Variants in FAM210A observed in about 807,000 individuals in gnomAD.
FAM210A encodes family with sequence similarity 210 member A.
A neutral mutation model predicts 25.3 loss-of-function variants in FAM210A; 13 were observed. The ratio of observed to expected loss-of-function variants is 0.51; its 90% CI spans 0.33 to 0.82. FAM210A has a LOEUF of 0.82. Ranked by LOEUF, FAM210A falls within the 40% of genes least tolerant of loss-of-function variation. The pLI is 0.02. For missense variants in FAM210A, 319 were observed against 323.2 expected (o/e 0.99, Z 0.10); for synonymous variants, 125 against 118.7 (o/e 1.05, Z -0.35).
chr18:13,713,737 C>CACACACACACAG (rs1389271796), intron 1 of FAM210A, among the ~76,000 whole-genome samples: 1 of 151,528 alleles, frequency 6.6e-6, no homozygotes, highest in Non-Finnish European at 1.5e-5. Flanking sequence ...CACACACACA[C>CACACACACACAG]ACACACACAC....
chr18:13,721,286 A>C (rs532679717), intron 1 of FAM210A, among the ~76,000 whole-genome samples: 16 of 152,344 alleles, frequency 1.1e-4, no homozygotes, highest in African/African-American at 3.8e-4. Flanking sequence ...CAAAGCACTC[A>C]GCAGATCAAT....
intron 1 of FAM210A, among the ~76,000 whole-genome samples, chr18:13,692,206 T>C (rs1364388854): frequency 6.6e-6 from 1 of 152,088 alleles, no homozygotes; most frequent in Non-Finnish European, 1.5e-5. Context: ...CTAACTCTCC[T>C]AAATATATAT....
chr18:13,664,480 G>T lies in FAM210A; in HGVS notation c.*2000C>A, dbSNP rs891758322. The T allele has an allele frequency of 6.6e-6, 1 of 152,120 alleles. No individual in the cohort carries two copies. Among genetic ancestry groups the T allele is most frequent in the Non-Finnish European group, 1.5e-5 (1 of 68,020 alleles). 9.4% of individuals were successfully genotyped at this position (152,120 alleles called of 1,614,324 possible). ...AACATGTTTAATATCTTAAAAAACA[G>T]CACTTAAACCTGCAAAAATGTGAAT... is the stretch of plus-strand genomic sequence containing the variant. On this transcript the variant is annotated 3_prime_UTR_variant, in exon 4 of 4. Coordinates refer to ENST00000651643, the MANE Select transcript of FAM210A (RefSeq NM_152352.4).
At chr18:13,726,158 G>C (rs1160100850) in intron 1 of FAM210A, among the ~76,000 whole-genome samples, 171 bp downstream of exon 1, 1 of 152,192 alleles carries the variant, frequency 6.6e-6, no homozygotes, top group Non-Finnish European at 1.5e-5. Context: ...TGTGGGGTCG[G>C]CGAGTGTGGA....
At chr18:13,697,927 A>G (rs1601958123) in intron 1 of FAM210A, among the ~76,000 whole-genome samples, 2 of 152,198 alleles carry the variant, frequency 1.3e-5, no homozygotes, top group Non-Finnish European at 2.9e-5. Flanking sequence ...AGGAACCTTA[A>G]ATGCATATTG....
At chr18:13,691,162 G>A (rs1474945986) in intron 1 of FAM210A, among the ~76,000 whole-genome samples, 1 of 152,200 alleles carries the variant, frequency 6.6e-6, no homozygotes, top group Non-Finnish European at 1.5e-5. Flanking sequence ...ATCAGTGATT[G>A]AAGATCAAAT....
intron 1 of FAM210A, among the ~76,000 whole-genome samples, chr18:13,714,912 G>A (rs977201760): frequency 2.0e-5 from 3 of 152,062 alleles, no homozygotes; most frequent in East Asian, 1.9e-4. Flanking sequence ...TATGAATAGC[G>A]TCCTCATGTA....
Position 13,666,320 on chromosome 18 carries a change from A to T in FAM210A, c.*160T>A. The T allele has an allele frequency of 1.6e-6, 1 of 617,704 alleles. No individual in the cohort carries two copies. Among genetic ancestry groups the T allele is most frequent in the Non-Finnish European group, 2.8e-6 (1 of 353,582 alleles). 38.3% of individuals were successfully genotyped at this position (617,704 alleles called of 1,614,324 possible). Reference sequence around the variant, plus strand: ...CCCTTGTAATAACACTGATTTTTCTAGTGATATTTAACTTTAAAAAGGTAT... The same window carrying T: ...CCCTTGTAATAACACTGATTTTTCTTGTGATATTTAACTTTAAAAAGGTAT... On this transcript the variant is annotated 3_prime_UTR_variant, in exon 4 of 4. Transcript: ENST00000651643.
intron 1 of FAM210A, among the ~76,000 whole-genome samples, chr18:13,688,344 A>T (rs997594251): frequency 3.3e-5 from 5 of 152,198 alleles, no homozygotes; most frequent in African/African-American, 7.2e-5. Flanking sequence ...TCCTGTGCCT[A>T]CAAAGACTCA....
chr18:13,708,650 T>C (rs908400443), intron 1 of FAM210A, among the ~76,000 whole-genome samples: 16 of 152,252 alleles, frequency 1.1e-4, no homozygotes, highest in African/African-American at 3.9e-4. Flanking sequence ...TTTCATATTA[T>C]ACTATACCTA....
intron 1 of FAM210A, among the ~76,000 whole-genome samples, chr18:13,703,219 T>C (rs1396117784): frequency 6.6e-6 from 1 of 152,218 alleles, no homozygotes; most frequent in African/African-American, 2.4e-5. Flanking sequence ...AGCTTTGGTA[T>C]GTAATAATTA....
At chr18:13,700,062 C>T (rs564911847) in intron 1 of FAM210A, among the ~76,000 whole-genome samples, 2 of 152,292 alleles carry the variant, frequency 1.3e-5, no homozygotes, top group African/African-American at 4.8e-5. Context: ...CCCTATAATT[C>T]AATTTAATTC....
chr18:13,723,464 T>C (rs575941079), intron 1 of FAM210A, among the ~76,000 whole-genome samples: 4 of 152,314 alleles, frequency 2.6e-5, no homozygotes, highest in South Asian at 2.1e-4. Flanking sequence ...CTGTAGGGGA[T>C]AGCAACTTCA....
At position 13,671,977 on chromosome 18, in the gene FAM210A, C is replaced by CTAAAAAA; in HGVS notation, c.474-5_474-4insTTTTTTA. ...AAAAGGAACGACATTCACTCCTCTA[C>CTAAAAAA]AAAAAAAAAAAAGTAATTTTCATAT... On this transcript the variant is annotated splice_polypyrimidine_tract_variant and splice_region_variant and intron_variant, in intron 2 of 3. Coordinates refer to ENST00000651643, the MANE Select transcript of FAM210A (RefSeq NM_152352.4). The CTAAAAAA allele has an allele frequency of 8.0e-7, 1 of 1,251,666 alleles. No homozygotes were observed. Among genetic ancestry groups the CTAAAAAA allele is most frequent in the Non-Finnish European group, 1.1e-6 (1 of 920,546 alleles). 77.5% of individuals were successfully genotyped at this position (1,251,666 alleles called of 1,614,324 possible).
chr18:13,686,275 C>CCCCACCTCCCCTCACCAA (rs2043596065), intron 1 of FAM210A, among the ~76,000 whole-genome samples: 1 of 152,190 alleles, frequency 6.6e-6, no homozygotes, highest in African/African-American at 2.4e-5. Flanking sequence ...CGAAATCACG[C>CCCCACCTCCCCTCACCAA]CCCACCTCCC....
chr18:13,689,281 G>C (rs371575153), intron 1 of FAM210A, among the ~76,000 whole-genome samples: 1 of 152,084 alleles, frequency 6.6e-6, no homozygotes, highest in Non-Finnish European at 1.5e-5. Context: ...GCACGCCTTC[G>C]AGATGGCCCA....
At chr18:13,718,076 G>A (rs1312457144) in intron 1 of FAM210A, among the ~76,000 whole-genome samples, 1 of 152,164 alleles carries the variant, frequency 6.6e-6, no homozygotes, top group Non-Finnish European at 1.5e-5. Context: ...ACCTCCAGAT[G>A]AGAATGCAGC....
At chr18:13,672,143 A>G (rs1601940082) in intron 2 of FAM210A, among the ~76,000 whole-genome samples, 170 bp from the exon 3 acceptor site, 1 of 152,368 alleles carries the variant, frequency 6.6e-6, no homozygotes, top group African/African-American at 2.4e-5. Context: ...TACTTGATGT[A>G]CAATATGCAA....
At chr18:13,673,376 C>G (rs2043460131) in intron 2 of FAM210A, among the ~76,000 whole-genome samples, 2 of 149,996 alleles carry the variant, frequency 1.3e-5, no homozygotes, top group African/African-American at 2.5e-5. Context: ...TTCCTGAGCC[C>G]CGACTTCATT....
Sources: gnomAD v4.1 joint callset for allele counts (sites outside exome capture counted in the v4.1 genomes callset) on GRCh38, gnomAD v4.1.1 for gene constraint, MANE v1.5 for transcripts, NCBI Gene and HGNC (gene_info 2026-07-23, HGNC 2026-07-21) for gene names.